Variants in FAM199X observed in about 807,000 individuals in gnomAD.
FAM199X encodes family with sequence similarity 199, X-linked.
FAM199X carries 4 observed loss-of-function variants against 22.9 expected under a neutral mutation model. The observed-to-expected ratio is 0.17, with a 90% confidence interval of 0.09 to 0.40. The LOEUF (loss-of-function observed/expected upper bound fraction) is 0.40. Among genes scored for constraint, FAM199X ranks in the 10% least tolerant of loss-of-function variants. The pLI, the probability that FAM199X is intolerant of heterozygous loss-of-function variation, is 1.00. For synonymous variants in FAM199X, 101 were observed against 112.3 expected (o/e 0.90, Z 0.64); for missense variants, 183 against 306.8 (o/e 0.60, Z 3.01).
In FAM199X at chrX:104,189,756, C is replaced by T. The variant is rs1180401276; in HGVS notation, c.1145C>T (p.Ala382Val). 1 of 1,208,741 alleles carries T rather than the reference C, an allele frequency of 8.3e-7. No homozygotes were observed. Among genetic ancestry groups the T allele is most frequent in the African/African-American group, 1.8e-5 (1 of 57,056 alleles). ...SLKVTEEDHE[A>V]DVDVLM ...AAAGTGACTGAGGAAGACCATGAAG[C>T]AGATGTTGATGTTTTGATGTAATAA... The change falls in exon 6 of 6, where the codon GCA (alanine) becomes GTA (valine). Residue 382 changes from alanine (A) to valine (V), a missense_variant. This residue lies in a region of FAM199X where 128 missense variants were observed against 246.2 expected (regional missense o/e 0.52). Transcript: ENST00000493442.
rs782082661 is a variant in FAM199X at position 104,166,784 on chromosome X, C to T, written c.-2C>T. The T allele has an allele frequency of 1.7e-5, 20 of 1,199,665 alleles. No individual in the cohort carries two copies. In the South Asian group the frequency reaches 3.4e-4, roughly 20 times the overall value. On this transcript the variant is annotated 5_prime_UTR_variant, in exon 1 of 6. Transcript: ENST00000493442. ...GGAGCCCGAGCCAGGCCATCTCCAA[C>T]CATGTCCGACGAGGCCTCGGCCATC... is the stretch of plus-strand genomic sequence containing the variant.
intron 2 of FAM199X, among the ~76,000 whole-genome samples, chrX:104,177,774 G>A (rs1241053006): frequency 8.9e-6 from 1 of 111,937 alleles, no homozygotes; most frequent in Non-Finnish European, 1.9e-5. Context: ...TTTTAAAATT[G>A]TGTTATTTTA....
chrX:104,179,360 G>A (rs1010227557), intron 2 of FAM199X, among the ~76,000 whole-genome samples: 2 of 111,748 alleles, frequency 1.8e-5, no homozygotes, highest in Admixed American at 9.5e-5. Context: ...CACTCTCTTG[G>A]TTGAATTTAT....
intron 2 of FAM199X, among the ~76,000 whole-genome samples, chrX:104,182,017 T>C (rs1447260471): frequency 9.8e-6 from 1 of 102,228 alleles, no homozygotes; most frequent in African/African-American, 3.8e-5. Flanking sequence ...AGATGTAATC[T>C]TACTCTGTCG....
In FAM199X at chrX:104,192,382, G is replaced by C. The variant is rs1480080946; in HGVS notation, c.*2604G>C. 1 of 111,724 alleles carries C rather than the reference G, an allele frequency of 9.0e-6. No individual in the cohort carries two copies. Among genetic ancestry groups the C allele is most frequent in the Non-Finnish European group, 1.9e-5 (1 of 52,974 alleles). The allele number at this position is 111,724 out of a possible 1,213,427, so 9.2% of individuals were successfully genotyped here. A position where few individuals can be genotyped will look rare whatever the true frequency, so the allele number is the denominator to read the frequency against. ...AATAAAAAGGCAAGACTTACTTGCT[G>C]TAGTATTGGTTCTCATCTGTAGAGA... On this transcript the variant is annotated 3_prime_UTR_variant, in exon 6 of 6. Transcript: ENST00000493442.
chrX:104,167,051 T>A, intron 1 of FAM199X, 69 bp downstream of exon 1: 1 of 986,214 alleles, frequency 1.0e-6, no homozygotes, highest in Middle Eastern at 2.9e-4. Flanking sequence ...TGATCCTTCG[T>A]CCCGGGCTGC....
intron 1 of FAM199X, among the ~76,000 whole-genome samples, chrX:104,168,805 TGAG>T (rs781972625): frequency 7.3e-5 from 8 of 109,786 alleles, no homozygotes; most frequent in African/African-American, 2.7e-4. Context: ...AATGGGGCAG[TGAG>T]GAGGGGAGAA....
At chrX:104,163,621 C>T (rs1334208366), upstream of FAM199X, among the ~76,000 whole-genome samples, 2 of 110,813 alleles carry the variant, frequency 1.8e-5, no homozygotes, top group Non-Finnish European at 1.9e-5. Context: ...ATACAGTGCA[C>T]CAACTCTATG....
intron 2 of FAM199X, among the ~76,000 whole-genome samples, chrX:104,179,263 G>A (rs906004799): frequency 7.2e-5 from 8 of 111,761 alleles, no homozygotes; most frequent in East Asian, 2.8e-4. Context: ...TAAATATTCC[G>A]ATTCATTAAT....
chrX:104,180,289 T>C (rs12836224), intron 2 of FAM199X, among the ~76,000 whole-genome samples: 7 of 95,044 alleles, frequency 7.4e-5, no homozygotes, highest in African/African-American at 1.5e-4. Flanking sequence ...CCAGTGTCTC[T>C]TTTTTTTTTT....
chrX:104,168,924 G>C (rs1352132181), intron 1 of FAM199X, among the ~76,000 whole-genome samples: 1 of 99,379 alleles, frequency 1.0e-5, no homozygotes, highest in South Asian at 4.6e-4. Flanking sequence ...CCTACTTTTC[G>C]CAAGGCTTGG....
intron 1 of FAM199X, among the ~76,000 whole-genome samples, chrX:104,171,973 A>G (rs1179509723): frequency 1.8e-5 from 2 of 112,008 alleles, no homozygotes; most frequent in African/African-American, 3.2e-5. Context: ...CTAGATGTAC[A>G]TAGTACTGCC....
In FAM199X at chrX:104,180,798, A is replaced by T. The variant is rs886354557; in HGVS notation, c.417+4956A>T. On this transcript the variant is annotated intron_variant, in intron 2 of 5. Transcript: ENST00000493442. ...TAAAAATCATTACTATAGTTAAAAAATTTGTATTCTGTTATGATTAAAAAC... is the reference window on the plus strand; with the variant it reads ...TAAAAATCATTACTATAGTTAAAAATTTTGTATTCTGTTATGATTAAAAAC... Among the ~76,000 whole-genome samples, 3 of 112,430 alleles carry T rather than the reference A, an allele frequency of 2.7e-5. No homozygotes were observed. In the East Asian group the frequency reaches 8.3e-4, roughly 31 times the overall value.
intron 2 of FAM199X, among the ~76,000 whole-genome samples, chrX:104,184,498 T>G (rs1159741258): frequency 1.8e-5 from 2 of 112,174 alleles, no homozygotes; most frequent in African/African-American, 6.5e-5. Context: ...AAATCCATTC[T>G]AACTTTTGGA....
chrX:104,158,264 A>C, the FAM199X span, among the ~76,000 whole-genome samples: 2 of 111,748 alleles, frequency 1.8e-5, no homozygotes, highest in Admixed American at 9.5e-5. Context: ...GAAGGGCAGA[A>C]CCCACTAAGG....
Position 104,195,852 on chromosome X carries a change from T to A in FAM199X, c.*6074T>A, listed in dbSNP as rs1435381385. 9.1e-6 allele frequency: 1 copy of A among 110,181 alleles called. No individual in the cohort carries two copies. The highest frequency in any genetic ancestry group is 1.9e-5 in the Non-Finnish European group (1 of 52,670). 9.1% of individuals were successfully genotyped at this position (110,181 alleles called of 1,213,427 possible). A position where few individuals can be genotyped will look rare whatever the true frequency, so the allele number is the denominator to read the frequency against. On this transcript the variant is annotated 3_prime_UTR_variant, in exon 6 of 6. Coordinates refer to ENST00000493442, the MANE Select transcript of FAM199X (RefSeq NM_207318.4). ...TTGTTTAATGATGCCAATCTTATGC[T>A]TTTCTGTAATCTTCAATTTTTAATA...
At position 104,184,574 on chromosome X, in the gene FAM199X, T is replaced by A. The variant is rs893055988; in HGVS notation, c.418-1492T>A. 2.7e-5 allele frequency among the ~76,000 whole-genome samples: 3 copies of A among 111,337 alleles called. No homozygotes were observed. The Admixed American group carries it at 2.9e-4, about 11-fold the overall frequency. Reference sequence around the variant, plus strand: ...ATGCATATACTTGAGTATATGCATATGTGCAAAAGTATACATAAATATATA... The same window carrying A: ...ATGCATATACTTGAGTATATGCATAAGTGCAAAAGTATACATAAATATATA... On this transcript the variant is annotated intron_variant, in intron 2 of 5. Transcript: ENST00000493442.
chrX:104,160,007 C>T, the FAM199X span, among the ~76,000 whole-genome samples: 1 of 112,193 alleles, frequency 8.9e-6, no homozygotes, highest in Non-Finnish European at 1.9e-5. Flanking sequence ...TCTCTCACTC[C>T]GCTGCTGCTG....
the FAM199X span, among the ~76,000 whole-genome samples, chrX:104,158,514 A>G: frequency 8.9e-6 from 1 of 112,059 alleles, no homozygotes; most frequent in African/African-American, 3.3e-5. Context: ...TAATATACTC[A>G]TCTGACTCCA....
Sources: allele counts gnomAD v4.1 joint callset (sites outside exome capture counted in the v4.1 genomes callset), GRCh38; gene constraint gnomAD v4.1.1; regional missense constraint gnomAD v4.1.1; transcripts MANE v1.5; gene names NCBI Gene and HGNC (gene_info 2026-07-23, HGNC 2026-07-21).